UNC50: variants seen among roughly 807,000 people sequenced by gnomAD.
UNC50 encodes the protein protein unc-50 homolog.
In UNC50, 24 loss-of-function variants were observed where a neutral mutation model predicts 31.5. The ratio of observed to expected loss-of-function variants is 0.76; its 90% CI spans 0.55 to 1.07. UNC50 has a LOEUF of 1.07. Among genes scored for constraint, UNC50 ranks in the 50% least tolerant of loss-of-function variants. The pLI, the probability that UNC50 is intolerant of heterozygous loss-of-function variation, is 0.00. For synonymous variants in UNC50, 118 were observed against 114.7 expected, an observed-to-expected ratio of 1.03 and a Z score of -0.18; for missense variants, 245 against 304.2, an observed-to-expected ratio of 0.81 and a Z score of 1.45.
At chr2:98,618,072 C>T (rs754817384) in intron 5 of UNC50, 96 bp from the exon 6 acceptor site, 22 of 1,274,978 alleles carry the variant, frequency 1.7e-5, no homozygotes, top group Non-Finnish European at 2.3e-5. Context: ...TCCCTTCCAC[C>T]CCACATGTTG....
chr2:98,609,592 A>C (rs1575227785), intron 1 of UNC50, 164 bp from the exon 2 acceptor site: 1 of 1,095,688 alleles, frequency 9.1e-7, no homozygotes, highest in East Asian at 2.4e-5. Context: ...AAGCCCCAAG[A>C]CCCGCCTCAG....
In UNC50 at chr2:98,609,858, A is replaced by G. The variant is rs775054388; in HGVS notation, c.99A>G (p.Lys33=). 6.2e-6 allele frequency: 10 copies of G among 1,614,214 alleles called. No homozygotes were observed. The highest frequency in any genetic ancestry group is 5.9e-6 in the Non-Finnish European group (7 of 1,180,036). The change falls in exon 2 of 6, where the codon AAA becomes AAG. Residue 33 remains lysine (K), a synonymous_variant. Transcript: ENST00000357765. ...ACACAGCCGGAGCGAAACGCTACAAATATCTGAGAAGGCTTTTCCGCTTTC... is the reference window on the plus strand; with the variant it reads ...ACACAGCCGGAGCGAAACGCTACAAGTATCTGAGAAGGCTTTTCCGCTTTC... ...ARHTAGAKRY[K]YLRRLFRFRQ... is the part of the protein sequence containing the mutation.
intron 3 of UNC50, 27 bp from the exon 4 acceptor site, chr2:98,616,180 T>C: frequency 6.3e-7 from 1 of 1,591,310 alleles, no homozygotes; most frequent in South Asian, 1.2e-5. Flanking sequence ...CATTTTATTA[T>C]GAAAGAAATT....
intron 3 of UNC50, among the ~76,000 whole-genome samples, chr2:98,614,851 CATT>C (rs1191089085): frequency 1.3e-5 from 2 of 152,154 alleles, no homozygotes; most frequent in Non-Finnish European, 2.9e-5. Context: ...GGACTGTTAA[CATT>C]AGTATTGTAC....
At chr2:98,610,108 G>C in intron 2 of UNC50, 69 bp downstream of exon 2, 1 of 1,451,920 alleles carries the variant, frequency 6.9e-7, no homozygotes, top group Non-Finnish European at 9.4e-7. Context: ...TTATAAATGT[G>C]TTGTGGGTCA....
rs78050741 is a variant in UNC50 at position 98,615,376 on chromosome 2, C to T, written c.402-831C>T. Among the ~76,000 whole-genome samples the T allele has an allele frequency of 3.9e-3, 590 of 152,270 alleles. 4 individuals carry two copies. Among genetic ancestry groups the T allele is most frequent in the African/African-American group, 0.013 (553 of 41,542 alleles). On this transcript the variant is annotated intron_variant, in intron 3 of 5. Coordinates refer to ENST00000357765, the MANE Select transcript of UNC50 (RefSeq NM_014044.7). Reference sequence around the variant, plus strand: ...AGTTGGCATCTTCAACATAACAGGTCCAAATTCAAACTTCCGCACACTCCT... The same window carrying T: ...AGTTGGCATCTTCAACATAACAGGTTCAAATTCAAACTTCCGCACACTCCT...
At chr2:98,611,713 T>C (rs908432970) in intron 3 of UNC50, among the ~76,000 whole-genome samples, 5 of 152,230 alleles carry the variant, frequency 3.3e-5, no homozygotes, top group Non-Finnish European at 7.3e-5. Context: ...TGCAAAAATA[T>C]TACAGATTTA....
Position 98,616,244 on chromosome 2 carries a change from A to G in UNC50, c.439A>G (p.Arg147Gly), listed in dbSNP as rs1260346669. The G allele has an allele frequency of 1.2e-6, 2 of 1,614,052 alleles. No individual in the cohort carries two copies. Among genetic ancestry groups the G allele is most frequent in the Non-Finnish European group, 1.7e-6 (2 of 1,180,018 alleles). The change falls in exon 4 of 6, where the codon AGA becomes GGA. Residue 147 changes from arginine (R) to glycine (G), a missense_variant. Transcript: ENST00000357765. ...CAAGTATTTAGTGAAACGACAGAGC[A>G]GAGACTATGATGTGGAATGGGGCTA... ...SNKYLVKRQS[R>G]DYDVEWGYAF...
chr2:98,609,878 G>C lies in UNC50; in HGVS notation c.119G>C (p.Arg40Pro). 1.2e-6 allele frequency: 2 copies of C among 1,614,164 alleles called. No individual in the cohort carries two copies. The highest frequency in any genetic ancestry group is 1.7e-6 in the Non-Finnish European group (2 of 1,180,032). The change falls in exon 2 of 6, where the codon CGC becomes CCC. Residue 40 changes from arginine to proline, a missense_variant. Transcript: ENST00000357765. Reference protein sequence around the residue: ...KRYKYLRRLFRFRQMDFEFAA... With the variant: ...KRYKYLRRLFPFRQMDFEFAA... ...TACAAATATCTGAGAAGGCTTTTCC[G>C]CTTTCGGCAAATGGACTTTGAATTT...
In UNC50 at chr2:98,618,409, G is replaced by A. The variant is rs1700977831; in HGVS notation, c.*105G>A. On this transcript the variant is annotated 3_prime_UTR_variant, in exon 6 of 6. Coordinates refer to ENST00000357765, the MANE Select transcript of UNC50 (RefSeq NM_014044.7). ...TATCATCTTTGTAGATATCTTAAAG[G>A]TGTAAAGTTTGCAAATTTGAAGAAA... 7.7e-7 allele frequency: 1 copy of A among 1,291,456 alleles called. No individual in the cohort carries two copies. The allele number at this position is 1,291,456 out of a possible 1,614,324, so 80.0% of individuals were successfully genotyped here. A position where few individuals can be genotyped will look rare whatever the true frequency, so the allele number is the denominator to read the frequency against.
intron 5 of UNC50, among the ~76,000 whole-genome samples, chr2:98,617,585 C>G (rs914575865): frequency 4.6e-5 from 7 of 152,214 alleles, no homozygotes; most frequent in Admixed American, 4.6e-4. Flanking sequence ...ATACTTAGGT[C>G]GGGATGCATG....
In UNC50 at chr2:98,618,364, T is replaced by C; in HGVS notation, c.*60T>C. 5 of 1,477,582 alleles carry C rather than the reference T, an allele frequency of 3.4e-6. No homozygotes were observed. The highest frequency in any genetic ancestry group is 3.6e-6 in the Non-Finnish European group (4 of 1,110,340). The allele number at this position is 1,477,582 out of a possible 1,614,324, so 91.5% of individuals were successfully genotyped here. The stretch of plus-strand genomic sequence containing the variant: ...ACAGTATTGTGAAGTGATCATTTCT[T>C]GTAAAACTTGTAAATAAACTATCAT... On this transcript the variant is annotated 3_prime_UTR_variant, in exon 6 of 6. Coordinates refer to ENST00000357765, the MANE Select transcript of UNC50 (RefSeq NM_014044.7).
chr2:98,616,673 T>G (rs1209288129), intron 5 of UNC50, 140 bp downstream of exon 5: 1 of 668,880 alleles, frequency 1.5e-6, no homozygotes, highest in South Asian at 1.9e-5. Context: ...CATTTAATCT[T>G]CATGACAATT....
intron 3 of UNC50, among the ~76,000 whole-genome samples, chr2:98,615,780 C>T (rs757256555): frequency 5.9e-5 from 9 of 152,180 alleles, no homozygotes; most frequent in African/African-American, 9.7e-5. Flanking sequence ...GATTGTAAAA[C>T]GGCCACAGGC....
At chr2:98,609,652 G>A in intron 1 of UNC50, 104 bp from the exon 2 acceptor site, 1 of 1,555,266 alleles carries the variant, frequency 6.4e-7, no homozygotes, top group South Asian at 1.2e-5. Context: ...GGGTTGGGAA[G>A]AACATGGAAA....
intron 3 of UNC50, among the ~76,000 whole-genome samples, chr2:98,613,594 G>T (rs1700874002): frequency 1.3e-5 from 2 of 152,138 alleles, no homozygotes; most frequent in African/African-American, 2.4e-5. Context: ...ACTATCACGA[G>T]AACAGCATGG....
At position 98,616,536 on chromosome 2, in the gene UNC50, A is replaced by G. The variant is rs1700925184; in HGVS notation, c.643+3A>G. 5.0e-6 allele frequency: 8 copies of G among 1,610,050 alleles called. No individual in the cohort carries two copies. The highest frequency in any genetic ancestry group is 6.8e-6 in the Non-Finnish European group (8 of 1,177,146). On this transcript the variant is annotated splice_donor_region_variant and intron_variant, in intron 5 of 5. Transcript: ENST00000357765. ...TGTAACTTTCCTGGGATACAGTGGT[A>G]AGTAATTTTTTTAAATGTTTTTGGT...
chr2:98,609,200 G>C (rs1700773283), intron 1 of UNC50: 1 of 154,970 alleles, frequency 6.5e-6, no homozygotes, highest in Admixed American at 6.4e-5. Context: ...CGACGCTACC[G>C]CTCCCTCTGC....
At position 98,616,489 on chromosome 2, in the gene UNC50, T is replaced by G; in HGVS notation, c.599T>G (p.Val200Gly). The G allele has an allele frequency of 6.2e-7, 1 of 1,614,114 alleles. No individual in the cohort carries two copies. Among genetic ancestry groups the G allele is most frequent in the Non-Finnish European group, 8.5e-7 (1 of 1,179,972 alleles). ...TTAGTTGGAAATACCTTATGGTTGG[T>G]TGCAGTTGGCTATTATATCTATGTA... ...GYLVGNTLWL[V>G]AVGYYIYVTF... Residue 200 changes from valine (V) to glycine (G), a missense_variant, in exon 5 of 6, where the codon GTT becomes GGT. By Grantham distance (109) the Val-to-Gly change is moderately radical (BLOSUM62 -3). Transcript: ENST00000357765.
Sources: gnomAD v4.1 joint callset for allele counts (sites outside exome capture counted in the v4.1 genomes callset) on GRCh38, gnomAD v4.1.1 for gene constraint, MANE v1.5 for transcripts, NCBI Gene and HGNC (gene_info 2026-07-23, HGNC 2026-07-21) for gene names.